CELSR1: variants seen among roughly 807,000 people sequenced by gnomAD.
The protein encoded by CELSR1 is cadherin EGF LAG seven-pass G-type receptor 1.
CELSR1 carries 110 observed loss-of-function variants against 249.1 expected under a neutral mutation model. That is an observed-to-expected ratio of 0.44 (90% CI 0.38 to 0.52). The LOEUF is 0.52. Among genes scored for constraint, CELSR1 ranks in the 20% least tolerant of loss-of-function variants. The pLI, the probability that CELSR1 is intolerant of heterozygous loss-of-function variation, is 0.00. For missense variants in CELSR1, 4,109 were observed against 4,296.4 expected (o/e 0.96, Z 1.22); for synonymous variants, 2,113 against 1,900.0 (o/e 1.11, Z -2.92).
rs1336222594 is a variant in CELSR1 at position 46,484,611 on chromosome 22, C to T, written c.3545-20266G>A. On this transcript the variant is annotated intron_variant, in intron 1 of 34. Coordinates refer to ENST00000674500, the MANE Select transcript of CELSR1 (RefSeq NM_001378328.1). The surrounding 1 kb of genome is among the most constrained non-coding windows in gnomAD (Gnocchi z 4.5). ...AAGGGGCAGCTGCGCTCACATACCA[C>T]GAGAGCTACCTGGCCCACTCACTGC... Among the ~76,000 whole-genome samples, 7 of 148,626 alleles carry T rather than the reference C, an allele frequency of 4.7e-5. No homozygotes were observed. The highest frequency in any genetic ancestry group is 2.0e-4 in the East Asian group (1 of 5,068).
chr22:46,460,249 CAG>C (rs1195861979), intron 2 of CELSR1, among the ~76,000 whole-genome samples: 4 of 151,890 alleles, frequency 2.6e-5, no homozygotes, highest in Admixed American at 6.6e-5. Context: ...TCCTGGGGGA[CAG>C]AGACATGGAA....
intron 5 of CELSR1, among the ~76,000 whole-genome samples, chr22:46,420,032 ACACT>A (rs772331704): frequency 6.7e-5 from 10 of 149,250 alleles, no homozygotes; most frequent in Non-Finnish European, 7.4e-5. Flanking sequence ...GCACTTACCG[ACACT>A]CACACTCAAA....
rs2078973483 is a variant in CELSR1 at position 46,381,102 on chromosome 22, C to T, written c.7089-147G>A. On this transcript the variant is annotated intron_variant, in intron 21 of 34. Coordinates refer to ENST00000674500, the MANE Select transcript of CELSR1 (RefSeq NM_001378328.1). This position sits in a 1 kb window ranked among gnomAD's most constrained non-coding sequence, Gnocchi z 6.0. Reference sequence around the variant, plus strand: ...CGAGAGCTCGGACCCACGGACCCCACAGTATCTTCATCCCTAGAGCAGGTT... The same window carrying T: ...CGAGAGCTCGGACCCACGGACCCCATAGTATCTTCATCCCTAGAGCAGGTT... The T allele has an allele frequency of 8.9e-6, 7 of 783,626 alleles. No individual in the cohort carries two copies. The highest frequency in any genetic ancestry group is 2.7e-5 in the East Asian group (1 of 36,888). 48.5% of individuals were successfully genotyped at this position (783,626 alleles called of 1,614,324 possible).
Position 46,535,543 on chromosome 22 carries a change from G to A in CELSR1, c.1628C>T (p.Pro543Leu), listed in dbSNP as rs749866727. The change falls in exon 1 of 35, where the codon CCG becomes CTG. Residue 543 changes from proline to leucine, a missense_variant. Physicochemically the swap from Pro to Leu is moderately conservative, Grantham distance 98 (BLOSUM62 -3). Transcript: ENST00000674500. ...CACCACCCCTGAAGAATTGATGAGC[G>A]GGGGCCGGCCCCCATCCTGGGCCTT... ...SIKAQDGGRPPLINSSGVVSV... is the reference protein window; with the variant it reads ...SIKAQDGGRPLLINSSGVVSV... 17 of 1,613,130 alleles carry A rather than the reference G, an allele frequency of 1.1e-5. No individual in the cohort carries two copies. The highest frequency in any genetic ancestry group is 1.4e-5 in the Non-Finnish European group (17 of 1,180,012).
At position 46,367,749 on chromosome 22, in the gene CELSR1, C is replaced by G. The variant is rs746988130; in HGVS notation, c.8059G>C (p.Ala2687Pro). The G allele has an allele frequency of 6.2e-7, 1 of 1,604,364 alleles. No individual in the cohort carries two copies. The highest frequency in any genetic ancestry group is 2.2e-5 in the East Asian group (1 of 44,566). Residue 2687 changes from alanine to proline, a missense_variant, in exon 28 of 35, where the codon GCC becomes CCC. Ala to Pro is a conservative substitution (Grantham distance 27, BLOSUM62 -1). This residue lies in a region of CELSR1 where 1,805 missense variants were observed against 1,831.6 expected (regional missense o/e 0.99). Transcript: ENST00000674500. ...CCTACCTGTAAGCCGCTGAAGATGG[C>G]GAAGAGGTAGTGAAAGCTCAGTGCA... Reference protein sequence around the residue: ...RDALSFHYLFAIFSGLQGPFV... With the variant: ...RDALSFHYLFPIFSGLQGPFV...
Position 46,413,511 on chromosome 22 carries a change from G to A in CELSR1, c.4612-1752C>T, listed in dbSNP as rs1272099680. 2.0e-5 allele frequency among the ~76,000 whole-genome samples: 3 copies of A among 152,192 alleles called. No individual in the cohort carries two copies. Among genetic ancestry groups the A allele is most frequent in the Non-Finnish European group, 4.4e-5 (3 of 68,038 alleles). ...ATAACGATTTACTATTAGAACACAC[G>A]TCCTCTCTGTGTTACAGGGAATTGA... On this transcript the variant is annotated intron_variant, in intron 5 of 34. Coordinates refer to ENST00000674500, the MANE Select transcript of CELSR1 (RefSeq NM_001378328.1). The surrounding 1 kb of genome is among the most constrained non-coding windows in gnomAD (Gnocchi z 4.7).
chr22:46,430,449 G>A lies in CELSR1; in HGVS notation c.4611+2944C>T, dbSNP rs557351219. 3.1e-4 allele frequency among the ~76,000 whole-genome samples: 47 copies of A among 152,078 alleles called. 1 individual carries two copies. The South Asian group carries it at 9.2e-3, about 30-fold the overall frequency. ...GACGCGTGTGCAGGGGGGTTCCCTC[G>A]GCAGTGTCACCCACCACCCTCAAGA... On this transcript the variant is annotated intron_variant, in intron 5 of 34. Coordinates refer to ENST00000674500, the MANE Select transcript of CELSR1 (RefSeq NM_001378328.1). The surrounding 1 kb of genome is among the most constrained non-coding windows in gnomAD (Gnocchi z 4.6).
intron 5 of CELSR1, among the ~76,000 whole-genome samples, chr22:46,416,461 G>C (rs1478743062): frequency 6.8e-6 from 1 of 147,606 alleles, no homozygotes; most frequent in Non-Finnish European, 1.5e-5. Flanking sequence ...TCAGTAGCTG[G>C]ACCTGGTCAC....
In CELSR1 at chr22:46,534,563, G is replaced by A; in HGVS notation, c.2608C>T (p.Pro870Ser). Residue 870 changes from proline (P) to serine (S), a missense_variant, in exon 1 of 35, where the codon CCG becomes TCG. This residue lies in a region of CELSR1 where 886 missense variants were observed against 896.5 expected (regional missense o/e 0.99). Transcript: ENST00000674500. This position sits in a 1 kb window ranked among gnomAD's most constrained non-coding sequence, Gnocchi z 9.7. ...AGGGTGGTGGTGTCTGATTTCTGCGGGATGCCGTTGTCCTGGGCCATGATG... is the reference window on the plus strand; with the variant it reads ...AGGGTGGTGGTGTCTGATTTCTGCGAGATGCCGTTGTCCTGGGCCATGATG... ...LTIMAQDNGI[P>S]QKSDTTTLEI... 14 of 1,613,746 alleles carry A rather than the reference G, an allele frequency of 8.7e-6. No homozygotes were observed. Among genetic ancestry groups the A allele is most frequent in the Non-Finnish European group, 1.2e-5 (14 of 1,180,038 alleles).
intron 1 of CELSR1, among the ~76,000 whole-genome samples, chr22:46,504,521 CA>C (rs1169049980): frequency 6.9e-5 from 5 of 72,686 alleles, no homozygotes; most frequent in African/African-American, 1.9e-4. Flanking sequence ...AAAAAAAAAA[CA>C]AAAAAAAACA....
Position 46,536,974 on chromosome 22 carries a change from T to A in CELSR1, c.197A>T (p.Asp66Val). 8.8e-7 allele frequency: 1 copy of A among 1,134,620 alleles called. No homozygotes were observed. The highest frequency in any genetic ancestry group is 1.1e-6 in the Non-Finnish European group (1 of 928,130). 70.3% of individuals were successfully genotyped at this position (1,134,620 alleles called of 1,614,324 possible). Reference sequence around the variant, plus strand: ...TGCCAGCCGCCCATCGCGGCCCACGTCCAGCAGCTCCCGCGGCGCCCGGGG... The same window carrying A: ...TGCCAGCCGCCCATCGCGGCCCACGACCAGCAGCTCCCGCGGCGCCCGGGG... ...CTPRAPRELL[D>V]VGRDGRLAGR... The change falls in exon 1 of 35, where the codon GAC (aspartate) becomes GTC (valine). Residue 66 changes from aspartate (D) to valine (V), a missense_variant. Physicochemically the swap from Asp to Val is radical, Grantham distance 152. Around this residue, in one of 7 missense-constraint regions of CELSR1, gnomAD observed 673 missense variants for 636.8 expected, o/e 1.06. Coordinates refer to ENST00000674500, the MANE Select transcript of CELSR1 (RefSeq NM_001378328.1).
Position 46,454,499 on chromosome 22 carries a change from C to T in CELSR1, c.4183+9208G>A, listed in dbSNP as rs1283603554. Among the ~76,000 whole-genome samples the T allele has an allele frequency of 3.9e-5, 6 of 152,198 alleles. No individual in the cohort carries two copies. Among genetic ancestry groups the T allele is most frequent in the Non-Finnish European group, 8.8e-5 (6 of 68,030 alleles). On this transcript the variant is annotated intron_variant, in intron 2 of 34. Coordinates refer to ENST00000674500, the MANE Select transcript of CELSR1 (RefSeq NM_001378328.1). The surrounding 1 kb of genome is among the most constrained non-coding windows in gnomAD (Gnocchi z 5.1). ...TGTCTCCCCTCAACAGCACAGACTT[C>T]GAAGTCACGGGGAACGGCGTGTGCT...
rs938911255 is a variant in CELSR1 at position 46,454,474 on chromosome 22, T to C, written c.4183+9233A>G. 6.6e-6 allele frequency among the ~76,000 whole-genome samples: 1 copy of C among 152,310 alleles called. No homozygotes were observed. The highest frequency in any genetic ancestry group is 2.1e-4 in the South Asian group (1 of 4,820). On this transcript the variant is annotated intron_variant, in intron 2 of 34. Transcript: ENST00000674500. The surrounding 1 kb of genome is among the most constrained non-coding windows in gnomAD (Gnocchi z 5.1). Reference sequence around the variant, plus strand: ...CGCAGCCAGCCCGGCCAGGCAGCCTTGTCTCCCCTCAACAGCACAGACTTC... The same window carrying C: ...CGCAGCCAGCCCGGCCAGGCAGCCTCGTCTCCCCTCAACAGCACAGACTTC...
chr22:46,419,241 G>A (rs1045149240), intron 5 of CELSR1, among the ~76,000 whole-genome samples: 1 of 152,244 alleles, frequency 6.6e-6, no homozygotes, highest in East Asian at 1.9e-4. Context: ...CTCAGAGGGG[G>A]GTCTTCTTGC....
rs2079613604 is a variant in CELSR1, at chr22:46,433,010, T to C, written c.4611+383A>G. Among the ~76,000 whole-genome samples, 1 of 151,802 alleles carries C rather than the reference T, an allele frequency of 6.6e-6. No individual in the cohort carries two copies. Among genetic ancestry groups the C allele is most frequent in the South Asian group, 2.1e-4 (1 of 4,786 alleles). On this transcript the variant is annotated intron_variant, in intron 5 of 34. Coordinates refer to ENST00000674500, the MANE Select transcript of CELSR1 (RefSeq NM_001378328.1). This position sits in a 1 kb window ranked among gnomAD's most constrained non-coding sequence, Gnocchi z 5.7. Reference sequence around the variant, plus strand: ...AGCACAAATGTCTCAAGACAGAAAATCTACCAGGGCACCTTTTTTCCTTCC... The same window carrying C: ...AGCACAAATGTCTCAAGACAGAAAACCTACCAGGGCACCTTTTTTCCTTCC...
Position 46,411,070 on chromosome 22 carries a change from A to G in CELSR1, c.4770-509T>C, listed in dbSNP as rs561796239. 9.9e-5 allele frequency among the ~76,000 whole-genome samples: 15 copies of G among 152,228 alleles called. No individual in the cohort carries two copies. The highest frequency in any genetic ancestry group is 1.3e-4 in the Non-Finnish European group (9 of 68,014). The stretch of plus-strand genomic sequence containing the variant: ...AAAAATTAGCTGGGCGTGGTGGTGC[A>G]TGCCTGTAGTCCCAGCTACTCGGGA... On this transcript the variant is annotated intron_variant, in intron 6 of 34. Coordinates refer to ENST00000674500, the MANE Select transcript of CELSR1 (RefSeq NM_001378328.1). This position sits in a 1 kb window ranked among gnomAD's most constrained non-coding sequence, Gnocchi z 4.2.
chr22:46,478,065 C>A (rs924897241), intron 1 of CELSR1, among the ~76,000 whole-genome samples: 3 of 152,180 alleles, frequency 2.0e-5, no homozygotes, highest in Non-Finnish European at 1.5e-5. Flanking sequence ...AAAACCCAGC[C>A]CTCGGAAATG....
chr22:46,441,115 C>T lies in CELSR1; in HGVS notation c.4184-1704G>A, dbSNP rs1302611475. Among the ~76,000 whole-genome samples, 5 of 150,726 alleles carry T rather than the reference C, an allele frequency of 3.3e-5. No individual in the cohort carries two copies. The highest frequency in any genetic ancestry group is 3.9e-4 in the East Asian group (2 of 5,106). ...TTGTAGCGAGCCGAGGTCACACTAC[C>T]GCACTCCAGCCTAGGTGCCAGAGCG... On this transcript the variant is annotated intron_variant, in intron 2 of 34. Coordinates refer to ENST00000674500, the MANE Select transcript of CELSR1 (RefSeq NM_001378328.1). This position sits in a 1 kb window ranked among gnomAD's most constrained non-coding sequence, Gnocchi z 6.1.
intron 5 of CELSR1, among the ~76,000 whole-genome samples, chr22:46,421,000 G>T (rs2079465243): frequency 6.6e-6 from 1 of 152,174 alleles, no homozygotes; most frequent in South Asian, 2.1e-4. Context: ...ACGGGTGGGT[G>T]AGAGATGCTG....
Sources: gnomAD v4.1 joint callset for allele counts (sites outside exome capture counted in the v4.1 genomes callset) on GRCh38, gnomAD v4.1.1 for gene constraint, gnomAD v4.1.1 regional missense constraint, Gnocchi (gnomAD v3.1) non-coding constraint, MANE v1.5 for transcripts, NCBI Gene and HGNC (gene_info 2026-07-23, HGNC 2026-07-21) for gene names.